The following OTOG variants were observed in gnomAD, a reference collection of about 807,000 sequenced individuals.
OTOG encodes otogelin.
In OTOG, 296 loss-of-function variants were observed where a neutral mutation model predicts 313.8. The observed-to-expected ratio is 0.94, with a 90% CI of 0.86 to 1.04. OTOG has a LOEUF of 1.04. OTOG is among the 50% of genes least tolerant of loss of function. The probability of loss-of-function intolerance (pLI) is 0.00; values close to 1 mark genes in which losing one functional copy is unlikely to be tolerated. For missense variants in OTOG, 3,948 were observed against 3,840.1 expected, an observed-to-expected ratio of 1.03 and a Z score of -0.74; for synonymous variants, 1,533 against 1,554.9, an observed-to-expected ratio of 0.99 and a Z score of 0.33.
chr11:17,558,395 C>T (rs985254289), intron 9 of OTOG, 80 bp downstream of exon 9: 4 of 1,529,684 alleles, frequency 2.6e-6, no homozygotes, highest in Non-Finnish European at 3.5e-6. Flanking sequence ...GGCTGTGGCA[C>T]CCCAGAATGT....
intron 6 of OTOG, among the ~76,000 whole-genome samples, chr11:17,554,688 C>G (rs572948191): frequency 6.6e-6 from 1 of 152,184 alleles, no homozygotes; most frequent in Non-Finnish European, 1.5e-5. Context: ...CCTGGATGGG[C>G]GGGGAACTGC....
At chr11:17,589,743 C>T (rs1446099865) in intron 24 of OTOG, among the ~76,000 whole-genome samples, 1 of 152,180 alleles carries the variant, frequency 6.6e-6, no homozygotes, top group African/African-American at 2.4e-5. Context: ...CCCCTTTAAG[C>T]CCTTTCGGTC....
chr11:17,645,515 G>A (rs573160661), intron 54 of OTOG, 49 bp from the exon 55 acceptor site: 24 of 1,534,660 alleles, frequency 1.6e-5, no homozygotes, highest in South Asian at 7.3e-5. Context: ...CTGCTGCCCC[G>A]AAGAAGCCTG....
chr11:17,619,376 A>T (rs1171657533), intron 39 of OTOG, among the ~76,000 whole-genome samples: 2 of 152,272 alleles, frequency 1.3e-5, no homozygotes, highest in South Asian at 2.1e-4. Flanking sequence ...TTAATTGGGG[A>T]TGTTTATACC....
chr11:17,641,308 G>T (rs1847967633), intron 51 of OTOG, among the ~76,000 whole-genome samples: 1 of 152,352 alleles, frequency 6.6e-6, no homozygotes, highest in South Asian at 2.1e-4. Flanking sequence ...CCTGGAAAGA[G>T]TGGGTGTTGA....
At chr11:17,599,819 G>A in intron 31 of OTOG, 122 bp downstream of exon 31, 7 of 1,179,886 alleles carry the variant, frequency 5.9e-6, no homozygotes, top group Non-Finnish European at 8.5e-6. Flanking sequence ...GACCCGGAAT[G>A]GGAGGGCCCC....
At position 17,593,053 on chromosome 11, in the gene OTOG, C is replaced by T. The variant is rs1301343952; in HGVS notation, c.3007-140C>T. On this transcript the variant is annotated intron_variant, in intron 25 of 55. Transcript: ENST00000399397. ...GAACAGCTTCAGAGAACAGAAGTCG[C>T]CCAAAGTCACACAGCTCAGCTAACA... is the stretch of plus-strand genomic sequence containing the variant. The T allele has an allele frequency of 2.3e-5, 20 of 885,984 alleles. No homozygotes were observed. In the Middle Eastern group the frequency reaches 1.8e-3, roughly 78 times the overall value. The allele number at this position is 885,984 out of a possible 1,614,324, so 54.9% of individuals were successfully genotyped here.
At chr11:17,596,315 G>A (rs560371639) in intron 29 of OTOG, among the ~76,000 whole-genome samples, 161 bp downstream of exon 29, 7 of 152,284 alleles carry the variant, frequency 4.6e-5, no homozygotes, top group African/African-American at 9.6e-5. Context: ...AGATGAGTCC[G>A]TCCTATTTCC....
At position 17,573,226 on chromosome 11, in the gene OTOG, C is replaced by T; in HGVS notation, c.2229C>T (p.His743=). 4 of 1,535,920 alleles carry T rather than the reference C, an allele frequency of 2.6e-6. No homozygotes were observed. Among genetic ancestry groups the T allele is most frequent in the South Asian group, 1.2e-5 (1 of 83,992 alleles). The change falls in exon 19 of 56, where the codon CAC becomes CAT. Residue 743 remains histidine, a synonymous_variant. Coordinates refer to ENST00000399397, the MANE Select transcript of OTOG (RefSeq NM_001292063.2). ...CCTGCCTGTGCGCCACACTGGCCCACTACGCCCACCTGTGCCGGCGCCATG... is the reference window on the plus strand; with the variant it reads ...CCTGCCTGTGCGCCACACTGGCCCATTACGCCCACCTGTGCCGGCGCCATG... ...GQPCLCATLA[H]YAHLCRRHGL... is the part of the protein sequence containing the mutation.
In OTOG at chr11:17,548,002, G is replaced by A. The variant is rs1490070333; in HGVS notation, c.155+15G>A. The A allele has an allele frequency of 4.9e-6, 4 of 809,464 alleles. No homozygotes were observed. Among genetic ancestry groups the A allele is most frequent in the Admixed American group, 6.0e-5 (2 of 33,306 alleles). The allele number at this position is 809,464 out of a possible 1,614,324, so 50.1% of individuals were successfully genotyped here. On this transcript the variant is annotated intron_variant, in intron 2 of 55. Transcript: ENST00000399397. ...GGGCAACCCAGGTGAGTAGGTGTGAGCTGTGGCGGCCCCACCCACAGCTCC... is the reference window on the plus strand; with the variant it reads ...GGGCAACCCAGGTGAGTAGGTGTGAACTGTGGCGGCCCCACCCACAGCTCC...
chr11:17,560,668 G>A, intron 12 of OTOG, 41 bp from the exon 13 acceptor site: 1 of 1,449,230 alleles, frequency 6.9e-7, no homozygotes, highest in Non-Finnish European at 9.5e-7. Context: ...TTTGTGAACA[G>A]GGGCAAAGGT....
At chr11:17,644,746 G>A (rs963404926) in intron 54 of OTOG, among the ~76,000 whole-genome samples, 5 of 134,638 alleles carry the variant, frequency 3.7e-5, no homozygotes, top group Non-Finnish European at 7.8e-5. Context: ...CTGTGCAAAA[G>A]AAGGCCATAA....
chr11:17,608,476 A>G (rs1342428928), intron 34 of OTOG, 63 bp downstream of exon 34: 2 of 1,131,748 alleles, frequency 1.8e-6, no homozygotes, highest in East Asian at 5.6e-5. Flanking sequence ...GTGTGCACTC[A>G]CATACACTTG....
At chr11:17,594,222 C>G in intron 28 of OTOG, 56 bp downstream of exon 28, 1 of 1,547,560 alleles carries the variant, frequency 6.5e-7, no homozygotes, top group East Asian at 2.4e-5. Context: ...GCGCTGCCAG[C>G]ACTGAACCCG....
At chr11:17,629,864 A>G (rs1854074573) in intron 40 of OTOG, among the ~76,000 whole-genome samples, 2 of 152,230 alleles carry the variant, frequency 1.3e-5, no homozygotes, top group African/African-American at 2.4e-5. Flanking sequence ...GATATGGGAC[A>G]AGCCTGGATG....
intron 25 of OTOG, 142 bp downstream of exon 25, chr11:17,591,730 TGCTGAG>T: frequency 9.0e-7 from 1 of 1,111,432 alleles, no homozygotes; most frequent in Non-Finnish European, 1.3e-6. Flanking sequence ...CTGGAAGAAG[TGCTGAG>T]GCACAAGCTC....
chr11:17,642,060 AC>A, intron 52 of OTOG, 66 bp from the exon 53 acceptor site: 1 of 1,514,760 alleles, frequency 6.6e-7, no homozygotes, highest in Non-Finnish European at 8.9e-7. Context: ...AGGCTCCCAG[AC>A]CCTATGGGTT....
intron 31 of OTOG, among the ~76,000 whole-genome samples, chr11:17,600,706 G>C (rs1565111651): frequency 6.6e-6 from 1 of 152,224 alleles, no homozygotes; most frequent in Admixed American, 6.5e-5. Flanking sequence ...GCCTGCAATG[G>C]GGGAACTGTG....
chr11:17,610,283 G>A lies in OTOG; in HGVS notation c.4983G>A (p.Ser1661=), dbSNP rs753345659. The part of the protein sequence containing the change: ...PGAISRSPTS[S]GSHKAVLTPA... The stretch of plus-strand genomic sequence containing the variant: ...CCATCTCCAGGTCCCCCACCTCCTC[G>A]GGATCCCACAAGGCTGTGCTGACAC... The change falls in exon 36 of 56, where the codon TCG becomes TCA. Residue 1661 remains serine, a synonymous_variant. Transcript: ENST00000399397. 1.6e-5 allele frequency: 25 copies of A among 1,550,506 alleles called. No individual in the cohort carries two copies. The highest frequency in any genetic ancestry group is 7.8e-5 in the Admixed American group (4 of 50,974).
Sources: allele counts gnomAD v4.1 joint callset (sites outside exome capture counted in the v4.1 genomes callset), GRCh38; gene constraint gnomAD v4.1.1; transcripts MANE v1.5; gene names NCBI Gene and HGNC (gene_info 2026-07-23, HGNC 2026-07-21).